Variants in WDFY3 observed in about 807,000 individuals in gnomAD.
WDFY3 encodes WD repeat and FYVE domain containing 3, also known as WD repeat and FYVE domain-containing protein 3.
WDFY3 carries 66 observed loss-of-function variants against 409.6 expected under a neutral mutation model. That is an observed-to-expected ratio of 0.16 (90% confidence interval 0.13 to 0.20). The LOEUF (loss-of-function observed/expected upper bound fraction) is 0.20. Ranked by LOEUF, WDFY3 falls within the 10% of genes least tolerant of loss-of-function variation. WDFY3 has a pLI of 1.00. For missense variants in WDFY3, 3,031 were observed against 4,298.1 expected (o/e 0.71, Z 8.24); for synonymous variants, 1,521 against 1,537.1 (o/e 0.99, Z 0.25).
chr4:84,727,248 A>AC (rs1735806462), intron 44 of WDFY3, among the ~76,000 whole-genome samples: 1 of 152,032 alleles, frequency 6.6e-6, no homozygotes, highest in South Asian at 2.1e-4. Context: ...AAAAAAAAAA[A>AC]CAAAAAACAA....
intron 3 of WDFY3, among the ~76,000 whole-genome samples, chr4:84,895,644 G>A (rs1290616356): frequency 6.6e-6 from 1 of 152,180 alleles, no homozygotes; most frequent in Non-Finnish European, 1.5e-5. Context: ...TATATATGTA[G>A]AGAAAATATT....
At chr4:84,800,378 C>T (rs1420850357) in intron 17 of WDFY3, among the ~76,000 whole-genome samples, 1 of 152,006 alleles carries the variant, frequency 6.6e-6, no homozygotes, top group East Asian at 1.9e-4. Context: ...AAGGGTGGCT[C>T]AAAGCAGGAG....
At chr4:84,889,507 T>A (rs1764658462) in intron 3 of WDFY3, among the ~76,000 whole-genome samples, 1 of 152,126 alleles carries the variant, frequency 6.6e-6, no homozygotes. Flanking sequence ...TAAAAAAAAT[T>A]CTGGTTTGAT....
intron 4 of WDFY3, among the ~76,000 whole-genome samples, chr4:84,851,748 C>T (rs570624148): frequency 1.3e-5 from 2 of 152,108 alleles, no homozygotes; most frequent in East Asian, 3.9e-4. Flanking sequence ...AGTTCTATTC[C>T]TCATATTATA....
chr4:84,954,986 CT>C (rs1774059339), intron 1 of WDFY3, among the ~76,000 whole-genome samples: 2 of 152,184 alleles, frequency 1.3e-5, no homozygotes, highest in South Asian at 4.1e-4. Context: ...AGGTGGATCA[CT>C]TGAGCTCAGG....
intron 36 of WDFY3, among the ~76,000 whole-genome samples, chr4:84,744,552 T>C (rs888104390): frequency 7.9e-5 from 12 of 152,090 alleles, no homozygotes; most frequent in African/African-American, 2.9e-4. Flanking sequence ...AAGAACCTTT[T>C]ATTAAAAAAA....
rs138376275 is a variant in WDFY3, at chr4:84,820,470, T to C, written c.1592-284A>G. Among the ~76,000 whole-genome samples, 653 of 152,198 alleles carry C rather than the reference T, an allele frequency of 4.3e-3. 4 individuals are homozygous for C. Among genetic ancestry groups the C allele is most frequent in the African/African-American group, 0.015 (611 of 41,560 alleles). On this transcript the variant is annotated intron_variant, in intron 11 of 67. Coordinates refer to ENST00000295888, the MANE Select transcript of WDFY3 (RefSeq NM_014991.6). ...TAAATATATCCTCTTCACAGAGGGT[T>C]TTCCTAATAAAGGATGTCAACAGGA...
intron 15 of WDFY3, among the ~76,000 whole-genome samples, chr4:84,806,362 TTC>T (rs201582611): frequency 6.6e-6 from 1 of 152,270 alleles, no homozygotes; most frequent in East Asian, 1.9e-4. Flanking sequence ...ATCAGGGACT[TTC>T]TGTCCTTGGG....
intron 15 of WDFY3, among the ~76,000 whole-genome samples, chr4:84,805,529 G>A (rs964872688): frequency 4.1e-4 from 62 of 152,106 alleles, no homozygotes; most frequent in African/African-American, 1.5e-3. Flanking sequence ...TTTAAATTTT[G>A]GAATTATGGT....
At position 84,751,557 on chromosome 4, in the gene WDFY3, G is replaced by C. The variant is rs766875579; in HGVS notation, c.5899C>G (p.Arg1967Gly). Residue 1967 changes from arginine (R) to glycine (G), a missense_variant, in exon 36 of 68, where the codon CGG becomes GGG. Coordinates refer to ENST00000295888, the MANE Select transcript of WDFY3 (RefSeq NM_014991.6). ...CAGAGGTTGTCTATGATTAAGACCC[G>C]CATGAAGTCAAAAACGAACTTTTTA... ...PAKKFVFDFM[R>G]VLIIDNLCLT... is the part of the protein sequence containing the mutation. The C allele has an allele frequency of 3.1e-6, 5 of 1,614,106 alleles. No homozygotes were observed. The highest frequency in any genetic ancestry group is 3.4e-6 in the Non-Finnish European group (4 of 1,180,018).
chr4:84,857,657 T>C (rs1311893107), intron 4 of WDFY3, among the ~76,000 whole-genome samples: 3 of 152,228 alleles, frequency 2.0e-5, no homozygotes. Flanking sequence ...TGGCTTGTCA[T>C]AGTTCTCTCT....
intron 2 of WDFY3, among the ~76,000 whole-genome samples, chr4:84,915,080 C>T (rs867890181): frequency 1.8e-4 from 27 of 152,164 alleles, no homozygotes; most frequent in African/African-American, 5.3e-4. Flanking sequence ...CTCAAAATGA[C>T]CAATATTGTA....
intron 7 of WDFY3, among the ~76,000 whole-genome samples, chr4:84,834,171 C>T (rs563831770): frequency 4.4e-4 from 67 of 152,292 alleles, no homozygotes; most frequent in Non-Finnish European, 8.7e-4. Context: ...ACATAGAAAA[C>T]AAACCCACAA....
chr4:84,844,513 T>A, intron 5 of WDFY3: 1 of 1,289,212 alleles, frequency 7.8e-7, no homozygotes, highest in Non-Finnish European at 1.0e-6. Flanking sequence ...TGTTTTTCTG[T>A]TTAAAAAAAA....
At chr4:84,833,718 GAA>G (rs1756138734) in intron 7 of WDFY3, among the ~76,000 whole-genome samples, 1 of 150,352 alleles carries the variant, frequency 6.7e-6, no homozygotes, top group South Asian at 2.1e-4. Flanking sequence ...GAACAGAACA[GAA>G]GAGAACAGAA....
intron 2 of WDFY3, among the ~76,000 whole-genome samples, chr4:84,899,303 C>A (rs949781327): frequency 1.3e-5 from 2 of 152,042 alleles, no homozygotes; most frequent in Admixed American, 1.3e-4. Context: ...GCAAAATAGA[C>A]CCTCAGTGTA....
At chr4:84,717,462 G>C (rs17009220) in intron 48 of WDFY3, among the ~76,000 whole-genome samples, 6,858 of 152,262 alleles carry the variant, frequency 0.045, 284 homozygotes, top group Admixed American at 0.11. Flanking sequence ...ATGTGACCCT[G>C]ATTGTTGTTG....
At chr4:84,885,479 G>C (rs1334865729) in intron 3 of WDFY3, among the ~76,000 whole-genome samples, 2 of 151,654 alleles carry the variant, frequency 1.3e-5, no homozygotes, top group Admixed American at 1.3e-4. Context: ...GCTTAGAAAG[G>C]AACACTGTAA....
intron 5 of WDFY3, among the ~76,000 whole-genome samples, chr4:84,846,309 A>T (rs895076969): frequency 2.0e-5 from 3 of 152,146 alleles, no homozygotes; most frequent in Non-Finnish European, 2.9e-5. Flanking sequence ...AGGGCACATG[A>T]TCCTAGCTAC....
Sources: allele counts gnomAD v4.1 joint callset (sites outside exome capture counted in the v4.1 genomes callset), GRCh38; gene constraint gnomAD v4.1.1; transcripts MANE v1.5; gene names NCBI Gene and HGNC (gene_info 2026-07-23, HGNC 2026-07-21).